Variants in POU6F2 observed in about 807,000 individuals in gnomAD.
The protein encoded by POU6F2 is POU domain, class 6, transcription factor 2.
POU6F2 carries 31 observed loss-of-function variants against 71.3 expected under a neutral mutation model. That is an observed-to-expected ratio of 0.43 (90% confidence interval 0.33 to 0.59). The LOEUF (loss-of-function observed/expected upper bound fraction) is 0.59, where lower values mean the gene tolerates loss of function less well. POU6F2 is among the 20% of genes least tolerant of loss of function. The probability of loss-of-function intolerance (pLI) is 0.04; values close to 1 mark genes in which losing one functional copy is unlikely to be tolerated. For synonymous variants in POU6F2, 347 were observed against 355.7 expected, an observed-to-expected ratio of 0.98 and a Z score of 0.27; for missense variants, 783 against 856.8, an observed-to-expected ratio of 0.91 and a Z score of 1.07.
rs144594682 is a variant in POU6F2 at position 39,134,992 on chromosome 7, C to T, written c.277+48961C>T. On this transcript the variant is annotated intron_variant, in intron 2 of 9. Coordinates refer to ENST00000518318, the MANE Select transcript of POU6F2 (RefSeq NM_001370959.1). ...TAACCTTAAAAAGTTATGAAGAGAA[C>T]AATAAAAGAAAATGTATAGACTGAA... Among the ~76,000 whole-genome samples the T allele has an allele frequency of 4.0e-3, 601 of 150,780 alleles. 5 individuals carry two copies. Among genetic ancestry groups the T allele is most frequent in the African/African-American group, 0.014 (576 of 41,112 alleles).
At chr7:39,199,351 G>A (rs1793848230) in intron 2 of POU6F2, among the ~76,000 whole-genome samples, 1 of 152,160 alleles carries the variant, frequency 6.6e-6, no homozygotes. Flanking sequence ...TTCTTAAAAT[G>A]ACTTACTTGG....
chr7:39,248,222 T>G (rs1426526692), intron 4 of POU6F2, among the ~76,000 whole-genome samples: 1 of 152,228 alleles, frequency 6.6e-6, no homozygotes, highest in Middle Eastern at 3.2e-3. Flanking sequence ...GATATGGGAT[T>G]AAGATAGCAT....
intron 5 of POU6F2, among the ~76,000 whole-genome samples, chr7:39,349,644 G>A (rs1055128567): frequency 2.6e-5 from 4 of 152,182 alleles, no homozygotes; most frequent in Non-Finnish European, 4.4e-5. Context: ...GGACTAAGTC[G>A]TCTAGAGCAC....
At chr7:39,149,403 T>G (rs1233005880) in intron 2 of POU6F2, among the ~76,000 whole-genome samples, 2 of 152,218 alleles carry the variant, frequency 1.3e-5, no homozygotes, top group Non-Finnish European at 2.9e-5. Context: ...AAAATAAATT[T>G]TATTGTGTAT....
chr7:39,377,127 A>T (rs1786725510), intron 5 of POU6F2, among the ~76,000 whole-genome samples: 1 of 148,848 alleles, frequency 6.7e-6, no homozygotes, highest in East Asian at 1.9e-4. Context: ...AAATATATTT[A>T]TAATTATATA....
intron 5 of POU6F2, among the ~76,000 whole-genome samples, chr7:39,388,642 T>C (rs1181976500): frequency 6.6e-6 from 1 of 152,144 alleles, no homozygotes; most frequent in African/African-American, 2.4e-5. Context: ...CAAAGAAAAG[T>C]TGGCTGTGGA....
chr7:39,006,185 C>T (rs1358195063), intron 1 of POU6F2, among the ~76,000 whole-genome samples: 2 of 152,036 alleles, frequency 1.3e-5, no homozygotes, highest in East Asian at 1.9e-4. Context: ...ACAGTTGGGC[C>T]GGGCGCGGTG....
intron 4 of POU6F2, among the ~76,000 whole-genome samples, chr7:39,220,290 A>G (rs1363893511): frequency 6.6e-6 from 1 of 152,252 alleles, no homozygotes; most frequent in Non-Finnish European, 1.5e-5. Context: ...AACAATGGTT[A>G]TAGACAAAAG....
chr7:39,452,240 C>G (rs1788679529), intron 8 of POU6F2, among the ~76,000 whole-genome samples: 1 of 152,178 alleles, frequency 6.6e-6, no homozygotes, highest in African/African-American at 2.4e-5. Context: ...TGAGAAATCT[C>G]TGAACAACCA....
chr7:39,366,639 A>G (rs11981229), intron 5 of POU6F2, among the ~76,000 whole-genome samples: 29,848 of 151,984 alleles, frequency 0.2, 3,470 homozygotes, highest in East Asian at 0.59. Context: ...GCCACCACCT[A>G]TGAGGTCTTT....
chr7:39,259,632 C>T (rs1312570950), intron 4 of POU6F2, among the ~76,000 whole-genome samples: 1 of 152,120 alleles, frequency 6.6e-6, no homozygotes, highest in East Asian at 1.9e-4. Context: ...GGAGCCTGGG[C>T]CTGTGCATTC....
At chr7:39,099,994 G>C (rs746873301) in intron 2 of POU6F2, among the ~76,000 whole-genome samples, 5 of 152,186 alleles carry the variant, frequency 3.3e-5, no homozygotes, top group Non-Finnish European at 7.3e-5. Flanking sequence ...CTGGAAGCAA[G>C]GGATTTGACT....
chr7:39,197,821 A>G (rs1383852486), intron 2 of POU6F2, among the ~76,000 whole-genome samples: 1 of 152,236 alleles, frequency 6.6e-6, no homozygotes, highest in Non-Finnish European at 1.5e-5. Context: ...ACTCACTGTG[A>G]TGTACCTCAA....
chr7:39,157,931 T>C (rs1008586494), intron 2 of POU6F2, among the ~76,000 whole-genome samples: 1 of 152,182 alleles, frequency 6.6e-6, no homozygotes, highest in Non-Finnish European at 1.5e-5. Context: ...AAATATCTCC[T>C]TGGAGTAAGA....
chr7:39,127,929 G>C (rs964368248), intron 2 of POU6F2, among the ~76,000 whole-genome samples: 1 of 139,662 alleles, frequency 7.2e-6, no homozygotes, highest in African/African-American at 2.7e-5. Flanking sequence ...TGCAAACTCT[G>C]CCTCCCGGGT....
chr7:39,314,569 G>A (rs1785227376), intron 4 of POU6F2, among the ~76,000 whole-genome samples: 1 of 152,212 alleles, frequency 6.6e-6, no homozygotes, highest in Non-Finnish European at 1.5e-5. Flanking sequence ...TCACTCTTAT[G>A]TTCCTAATAA....
At chr7:39,223,661 A>G (rs1213105143) in intron 4 of POU6F2, among the ~76,000 whole-genome samples, 1 of 152,158 alleles carries the variant, frequency 6.6e-6, no homozygotes, top group East Asian at 1.9e-4. Context: ...TTTGAGAGCT[A>G]TCTAAATCCC....
intron 2 of POU6F2, among the ~76,000 whole-genome samples, chr7:39,187,718 T>C (rs977353320): frequency 2.0e-5 from 3 of 152,188 alleles, no homozygotes; most frequent in African/African-American, 7.2e-5. Context: ...AATGTGAAAT[T>C]AGGAGGAACC....
At chr7:39,061,477 AT>A (rs1164778948) in intron 1 of POU6F2, among the ~76,000 whole-genome samples, 1 of 152,160 alleles carries the variant, frequency 6.6e-6, no homozygotes. Flanking sequence ...CCATTGACCT[AT>A]TTTGCACTTT....
Sources: allele counts gnomAD v4.1 joint callset (sites outside exome capture counted in the v4.1 genomes callset), GRCh38; gene constraint gnomAD v4.1.1; transcripts MANE v1.5; gene names NCBI Gene and HGNC (gene_info 2026-07-23, HGNC 2026-07-21).